CALD1: variants seen among roughly 807,000 people sequenced by gnomAD.
CALD1 encodes caldesmon 1.
In CALD1, 33 loss-of-function variants were observed where a neutral mutation model predicts 99.9. That is an observed-to-expected ratio of 0.33 (90% CI 0.25 to 0.44). The LOEUF (loss-of-function observed/expected upper bound fraction) is 0.44, where lower values mean the gene tolerates loss of function less well. CALD1 is among the 20% of genes least tolerant of loss of function. The pLI is 1.00. For synonymous variants in CALD1, 310 were observed against 325.0 expected (o/e 0.95, Z 0.50); for missense variants, 861 against 962.1 (o/e 0.89, Z 1.39).
intron 9 of CALD1, 24 bp from the exon 10 acceptor site, chr7:134,958,044 GT>G: frequency 6.4e-7 from 1 of 1,553,618 alleles, no homozygotes; most frequent in Non-Finnish European, 8.9e-7. Flanking sequence ...TATTAATTGG[GT>G]TTATTTTCTT....
intron 1 of CALD1, among the ~76,000 whole-genome samples, chr7:134,788,843 T>C (rs1797408174): frequency 1.3e-5 from 2 of 151,880 alleles, no homozygotes; most frequent in Admixed American, 6.6e-5. Flanking sequence ...GGTGAAACAC[T>C]GCCTCTACAA....
At chr7:134,805,413 G>A (rs571199183) in intron 1 of CALD1, among the ~76,000 whole-genome samples, 6 of 152,126 alleles carry the variant, frequency 3.9e-5, no homozygotes, top group Non-Finnish European at 7.4e-5. Context: ...AGGGTTCTTT[G>A]TTGTTGTTGT....
chr7:134,819,258 A>G (rs1330917392), intron 1 of CALD1, among the ~76,000 whole-genome samples: 1 of 152,176 alleles, frequency 6.6e-6, no homozygotes, highest in Non-Finnish European at 1.5e-5. Flanking sequence ...CCTAACTCCT[A>G]GTCTTCCTTC....
chr7:134,914,340 A>G (rs966432699), intron 3 of CALD1, among the ~76,000 whole-genome samples: 4 of 152,206 alleles, frequency 2.6e-5, no homozygotes, highest in East Asian at 3.8e-4. Context: ...GACTTGCTCA[A>G]CTGAAGTCTC....
chr7:134,849,088 A>C (rs1054145239), intron 2 of CALD1, among the ~76,000 whole-genome samples: 2 of 152,164 alleles, frequency 1.3e-5, no homozygotes, highest in Non-Finnish European at 2.9e-5. Flanking sequence ...CAGTGACGTA[A>C]ATTGTGATTT....
intron 3 of CALD1, among the ~76,000 whole-genome samples, chr7:134,921,196 T>C (rs1468720798): frequency 6.6e-6 from 1 of 152,248 alleles, no homozygotes; most frequent in African/African-American, 2.4e-5. Flanking sequence ...AGTTGTCTCA[T>C]GTATGAAAGA....
At chr7:134,806,546 T>C (rs1047079569) in intron 1 of CALD1, among the ~76,000 whole-genome samples, 1 of 152,216 alleles carries the variant, frequency 6.6e-6, no homozygotes, top group African/African-American at 2.4e-5. Context: ...TACAAGCTCA[T>C]TTAAGTGTTG....
chr7:134,782,997 C>A (rs1400995851), intron 1 of CALD1, among the ~76,000 whole-genome samples: 3 of 152,154 alleles, frequency 2.0e-5, no homozygotes, highest in African/African-American at 7.2e-5. Flanking sequence ...TACAAGGCAC[C>A]AGGAAATCCA....
chr7:134,719,282 A>C, the CALD1 span, among the ~76,000 whole-genome samples: 1 of 152,204 alleles, frequency 6.6e-6, no homozygotes, highest in Non-Finnish European at 1.5e-5. Context: ...TAAGGAAGAA[A>C]AAAATAGAAA....
At chr7:134,873,795 A>C (rs1211699039) in intron 3 of CALD1, among the ~76,000 whole-genome samples, 1 of 152,248 alleles carries the variant, frequency 6.6e-6, no homozygotes, top group Non-Finnish European at 1.5e-5. Flanking sequence ...TAGTAAAAGT[A>C]TCCACCTCAC....
At chr7:134,750,495 G>T (rs1250553807) in intron 1 of CALD1, among the ~76,000 whole-genome samples, 1 of 152,042 alleles carries the variant, frequency 6.6e-6, no homozygotes, top group Non-Finnish European at 1.5e-5. Flanking sequence ...CCATTTCTAG[G>T]TACCTTCTTT....
chr7:134,858,002 A>AG (rs1800390718), intron 2 of CALD1, among the ~76,000 whole-genome samples: 2 of 152,106 alleles, frequency 1.3e-5, no homozygotes, highest in African/African-American at 4.8e-5. Context: ...TAGCTGGCCA[A>AG]GGCTCTGTAT....
chr7:134,881,140 TTA>T (rs1801580609), intron 3 of CALD1, among the ~76,000 whole-genome samples: 1 of 152,162 alleles, frequency 6.6e-6, no homozygotes, highest in Admixed American at 6.5e-5. Flanking sequence ...TCCAGTTGGG[TTA>T]TGTCATCAGA....
chr7:134,788,545 T>C (rs1269822874), intron 1 of CALD1, among the ~76,000 whole-genome samples: 1 of 152,250 alleles, frequency 6.6e-6, no homozygotes, highest in East Asian at 1.9e-4. Context: ...ATATTCATAA[T>C]GTATGCTTAT....
Position 134,940,880 on chromosome 7 carries a change from C to G in CALD1, c.1387-212C>G, listed in dbSNP as rs189933666. Among the ~76,000 whole-genome samples the G allele has an allele frequency of 1.7e-3, 261 of 152,320 alleles. 1 individual carries two copies. The highest frequency in any genetic ancestry group is 5.9e-3 in the African/African-American group (245 of 41,592). ...GTGAGATCAGGGATGATCTTACCTTCTTAAAATTGTGGTAAAGGTGTTTGT... is the reference window on the plus strand; with the variant it reads ...GTGAGATCAGGGATGATCTTACCTTGTTAAAATTGTGGTAAAGGTGTTTGT... On this transcript the variant is annotated intron_variant, in intron 6 of 14. Coordinates refer to ENST00000361675, the MANE Select transcript of CALD1 (RefSeq NM_033138.4).
chr7:134,918,676 G>T (rs529099079), intron 3 of CALD1, among the ~76,000 whole-genome samples: 1 of 152,298 alleles, frequency 6.6e-6, no homozygotes, highest in Non-Finnish European at 1.5e-5. Flanking sequence ...TAGGCACATG[G>T]TTGTGTGTCT....
At chr7:134,947,485 T>A in intron 7 of CALD1, 23 bp from the exon 8 acceptor site, 1 of 1,561,464 alleles carries the variant, frequency 6.4e-7, no homozygotes, top group Non-Finnish European at 8.7e-7. Flanking sequence ...TGTAAACCCC[T>A]TTCCATTGCC....
At chr7:134,952,712 G>A (rs746402581) in intron 9 of CALD1, among the ~76,000 whole-genome samples, 8 of 151,908 alleles carry the variant, frequency 5.3e-5, no homozygotes, top group Admixed American at 2.0e-4. Context: ...CTCATGATCC[G>A]CCCACCTTGG....
the CALD1 span, among the ~76,000 whole-genome samples, chr7:134,722,120 A>G: frequency 6.6e-6 from 1 of 152,176 alleles, no homozygotes; most frequent in African/African-American, 2.4e-5. Flanking sequence ...TCTTTACTGT[A>G]TGATTTGTGC....
Sources: gnomAD v4.1 joint callset for allele counts (sites outside exome capture counted in the v4.1 genomes callset) on GRCh38, gnomAD v4.1.1 for gene constraint, MANE v1.5 for transcripts, NCBI Gene and HGNC (gene_info 2026-07-23, HGNC 2026-07-21) for gene names.